The following RAPGEF2 variants were observed in gnomAD, a reference collection of about 807,000 sequenced individuals.
RAPGEF2 encodes Rap guanine nucleotide exchange factor 2.
Under a neutral mutation model 186.7 loss-of-function variants are expected in RAPGEF2, and 54 were observed. The observed-to-expected ratio is 0.29, with a 90% CI of 0.23 to 0.36. RAPGEF2 has a LOEUF of 0.36. Among genes scored for constraint, RAPGEF2 ranks in the 10% least tolerant of loss-of-function variants. The pLI is 1.00. For synonymous variants in RAPGEF2, 712 were observed against 705.9 expected (o/e 1.01, Z -0.14); for missense variants, 1,532 against 2,045.0 (o/e 0.75, Z 4.84).
At chr4:159,295,976 A>G (rs1049835537) in intron 7 of RAPGEF2, among the ~76,000 whole-genome samples, 3 of 152,188 alleles carry the variant, frequency 2.0e-5, no homozygotes, top group Admixed American at 6.5e-5. Flanking sequence ...ACCCCAAGCG[A>G]TCTTAGCTTG....
At chr4:159,144,717 A>G (rs1742723299) in intron 1 of RAPGEF2, among the ~76,000 whole-genome samples, 2 of 152,270 alleles carry the variant, frequency 1.3e-5, no homozygotes, top group Non-Finnish European at 2.9e-5. Context: ...AGAAATTATA[A>G]GTAACAGCAT....
At chr4:159,124,055 C>T (rs1740017510) in intron 1 of RAPGEF2, among the ~76,000 whole-genome samples, 1 of 151,524 alleles carries the variant, frequency 6.6e-6, no homozygotes, top group South Asian at 2.1e-4. Context: ...GGCGTTTCGC[C>T]ATGTTGGCCA....
chr4:159,322,220 T>G, intron 9 of RAPGEF2, 127 bp from the exon 10 acceptor site: 1 of 720,478 alleles, frequency 1.4e-6, no homozygotes, highest in South Asian at 2.1e-5. Context: ...TAAAGATACT[T>G]GATATGTATT....
intron 13 of RAPGEF2, among the ~76,000 whole-genome samples, chr4:159,330,820 T>G (rs1355531174): frequency 6.6e-6 from 1 of 152,166 alleles, no homozygotes; most frequent in Non-Finnish European, 1.5e-5. Context: ...GGAATCTACA[T>G]TTTCTAGTTT....
At position 159,314,692 on chromosome 4, in the gene RAPGEF2, A is replaced by T. The variant is rs758829121; in HGVS notation, c.777A>T (p.Ser259=). ...DDDEEDIERA[S]DPLMSRDIVR... ...ATGAAGAAGACATTGAGAGAGCATCAGATCCTCTGATGAGCAGGGACATTG... is the reference window on the plus strand; with the variant it reads ...ATGAAGAAGACATTGAGAGAGCATCTGATCCTCTGATGAGCAGGGACATTG... The change falls in exon 9 of 30, where the codon TCA becomes TCT. Residue 259 remains serine (S), a synonymous_variant. Coordinates refer to ENST00000691494, the MANE Select transcript of RAPGEF2 (RefSeq NM_001394067.2). 6.2e-7 allele frequency: 1 copy of T among 1,614,072 alleles called. No homozygotes were observed.
chr4:159,296,499 A>T (rs1762045375), intron 7 of RAPGEF2, among the ~76,000 whole-genome samples: 1 of 152,214 alleles, frequency 6.6e-6, no homozygotes, highest in Admixed American at 6.5e-5. Context: ...TTAATGCTTA[A>T]GTGTGTGCTC....
At chr4:159,191,654 G>T (rs1286074528) in intron 2 of RAPGEF2, among the ~76,000 whole-genome samples, 1 of 152,106 alleles carries the variant, frequency 6.6e-6, no homozygotes, top group Non-Finnish European at 1.5e-5. Flanking sequence ...CAGGAGAATT[G>T]CTTGAACCCG....
At chr4:159,277,659 T>C (rs1450568185) in intron 7 of RAPGEF2, among the ~76,000 whole-genome samples, 4 of 152,218 alleles carry the variant, frequency 2.6e-5, no homozygotes, top group African/African-American at 9.6e-5. Context: ...TTTTGATTTG[T>C]GTTTCTCTGA....
At chr4:159,256,875 T>C (rs1162410513) in intron 7 of RAPGEF2, among the ~76,000 whole-genome samples, 1 of 152,212 alleles carries the variant, frequency 6.6e-6, no homozygotes, top group Admixed American at 6.5e-5. Flanking sequence ...TTTGCCCACT[T>C]TTTAATGGAG....
intron 20 of RAPGEF2, among the ~76,000 whole-genome samples, chr4:159,342,691 G>C (rs1387321484): frequency 2.0e-5 from 3 of 151,220 alleles, no homozygotes; most frequent in African/African-American, 7.3e-5. Flanking sequence ...TGTACATACT[G>C]CTGTGTATGG....
intron 1 of RAPGEF2, among the ~76,000 whole-genome samples, chr4:159,158,321 G>C (rs536510958): frequency 6.6e-6 from 1 of 152,266 alleles, no homozygotes; most frequent in African/African-American, 2.4e-5. Flanking sequence ...TGTAAATGTA[G>C]ATTGTAGTTG....
rs1202040097 is a variant in RAPGEF2 at position 159,330,495 on chromosome 4, T to A, written c.1464T>A (p.Asp488Glu). Residue 488 changes from aspartate to glutamate, a missense_variant, in exon 13 of 30, where the codon GAT (aspartate) becomes GAA (glutamate). Asp to Glu is a conservative substitution (Grantham distance 45). Around this residue, in one of 4 missense-constraint regions of RAPGEF2, gnomAD observed 810 missense variants for 1,210.5 expected, o/e 0.67. Transcript: ENST00000691494. ...GGTTTAATGACCCGAGCCTCAGGGATAAGGTTGGAAATATATTCTATTTTG... is the reference window on the plus strand; with the variant it reads ...GGTTTAATGACCCGAGCCTCAGGGAAAAGGTTGGAAATATATTCTATTTTG... ...LEWFNDPSLR[D>E]KVTRVVLLWV... The A allele has an allele frequency of 6.3e-7, 1 of 1,598,822 alleles. No individual in the cohort carries two copies. The highest frequency in any genetic ancestry group is 1.8e-5 in the Admixed American group (1 of 55,284).
chr4:159,210,710 G>T, intron 4 of RAPGEF2, 127 bp downstream of exon 4: 1 of 627,206 alleles, frequency 1.6e-6, no homozygotes, highest in South Asian at 2.3e-5. Flanking sequence ...AGTACTTTGG[G>T]GTGTTGATGC....
At chr4:159,269,791 G>C (rs1466805461) in intron 7 of RAPGEF2, among the ~76,000 whole-genome samples, 1 of 152,102 alleles carries the variant, frequency 6.6e-6, no homozygotes, top group Non-Finnish European at 1.5e-5. Context: ...TGGAAGGATT[G>C]CTTAAGGCCA....
chr4:159,159,662 C>CATATG (rs1744494402), intron 1 of RAPGEF2, among the ~76,000 whole-genome samples: 1 of 152,140 alleles, frequency 6.6e-6, no homozygotes, highest in African/African-American at 2.4e-5. Flanking sequence ...ATTATTCATA[C>CATATG]ACATATTACA....
At chr4:159,335,094 G>C (rs1767215432) in intron 17 of RAPGEF2, among the ~76,000 whole-genome samples, 1 of 152,088 alleles carries the variant, frequency 6.6e-6, no homozygotes, top group Non-Finnish European at 1.5e-5. Context: ...AGCAATTAGA[G>C]AAGTCTAGAT....
rs558764782 is a variant in RAPGEF2 at position 159,275,229 on chromosome 4, T to G, written c.544-29113T>G. Reference sequence around the variant, plus strand: ...AAATATGCCCCATATGCTTCAGATCTCTTCATTCTACATCAATAGACCAAA... The same window carrying G: ...AAATATGCCCCATATGCTTCAGATCGCTTCATTCTACATCAATAGACCAAA... On this transcript the variant is annotated intron_variant, in intron 7 of 29. Coordinates refer to ENST00000691494, the MANE Select transcript of RAPGEF2 (RefSeq NM_001394067.2). 8.9e-4 allele frequency among the ~76,000 whole-genome samples: 136 copies of G among 152,284 alleles called. 1 individual carries two copies. Among genetic ancestry groups the G allele is most frequent in the African/African-American group, 3.2e-3 (132 of 41,568 alleles).
intron 7 of RAPGEF2, among the ~76,000 whole-genome samples, chr4:159,302,158 A>G (rs1030131263): frequency 6.6e-6 from 1 of 152,200 alleles, no homozygotes; most frequent in African/African-American, 2.4e-5. Flanking sequence ...TGTGGTATCT[A>G]AAAGCTGGAT....
chr4:159,354,614 C>G (rs1731686302), intron 28 of RAPGEF2, among the ~76,000 whole-genome samples: 1 of 151,726 alleles, frequency 6.6e-6, no homozygotes, highest in Non-Finnish European at 1.5e-5. Flanking sequence ...GGGATTGAAT[C>G]CCTGTTTTGC....
Sources: gnomAD v4.1 joint callset for allele counts (sites outside exome capture counted in the v4.1 genomes callset) on GRCh38, gnomAD v4.1.1 for gene constraint, gnomAD v4.1.1 regional missense constraint, MANE v1.5 for transcripts, NCBI Gene and HGNC (gene_info 2026-07-23, HGNC 2026-07-21) for gene names.